MYCBP2: variants seen among roughly 807,000 people sequenced by gnomAD.
The protein encoded by MYCBP2 is E3 ubiquitin-protein ligase MYCBP2.
MYCBP2 carries 120 observed loss-of-function variants against 525.3 expected under a neutral mutation model. The ratio of observed to expected loss-of-function variants is 0.23; its 90% CI spans 0.20 to 0.27. The LOEUF (loss-of-function observed/expected upper bound fraction) is 0.27, where lower values mean the gene tolerates loss of function less well. Ranked by LOEUF, MYCBP2 falls within the 10% of genes least tolerant of loss-of-function variation. The pLI, the probability that MYCBP2 is intolerant of heterozygous loss-of-function variation, is 1.00. For missense variants in MYCBP2, 4,149 were observed against 5,657.1 expected (o/e 0.73, Z 8.55); for synonymous variants, 1,894 against 1,955.8 (o/e 0.97, Z 0.83).
At chr13:77,112,905 TTCTC>T (rs1317429826) in intron 55 of MYCBP2, among the ~76,000 whole-genome samples, 8 of 152,186 alleles carry the variant, frequency 5.3e-5, no homozygotes, top group South Asian at 4.1e-4. Context: ...ATCTTGTATC[TTCTC>T]TCTTAGTATC....
chr13:77,281,011 A>T (rs1288726303), intron 3 of MYCBP2, among the ~76,000 whole-genome samples: 1 of 152,252 alleles, frequency 6.6e-6, no homozygotes, highest in Non-Finnish European at 1.5e-5. Flanking sequence ...ATTATTGCAC[A>T]GAGGTAACAG....
At chr13:77,243,436 A>G (rs2069235722) in intron 16 of MYCBP2, among the ~76,000 whole-genome samples, 4 of 152,064 alleles carry the variant, frequency 2.6e-5, no homozygotes, top group Admixed American at 2.6e-4. Flanking sequence ...AACATGGTGA[A>G]ACCCCGTCTC....
chr13:77,276,961 T>C (rs959779315), intron 4 of MYCBP2, among the ~76,000 whole-genome samples: 7 of 151,106 alleles, frequency 4.6e-5, no homozygotes, highest in African/African-American at 1.5e-4. Flanking sequence ...CAGCCAATAA[T>C]GTGAAAGTTT....
intron 44 of MYCBP2, among the ~76,000 whole-genome samples, chr13:77,161,251 C>T (rs1383637881): frequency 2.0e-5 from 3 of 152,180 alleles, no homozygotes; most frequent in Non-Finnish European, 4.4e-5. Context: ...ACAATGTAGT[C>T]ATCTCTAGGC....
At chr13:77,202,738 A>T (rs2062785264) in intron 26 of MYCBP2, among the ~76,000 whole-genome samples, 1 of 152,222 alleles carries the variant, frequency 6.6e-6, no homozygotes, top group Admixed American at 6.5e-5. Flanking sequence ...GGATGGTTCA[A>T]TATATGCAAA....
chr13:77,169,960 AG>A (rs1000345589), intron 38 of MYCBP2, among the ~76,000 whole-genome samples: 30 of 152,226 alleles, frequency 2.0e-4, no homozygotes, highest in African/African-American at 7.2e-4. Context: ...CATGGCACAT[AG>A]GGTTTAAGTA....
chr13:77,264,961 T>C (rs1368860279), intron 8 of MYCBP2, among the ~76,000 whole-genome samples: 2 of 152,076 alleles, frequency 1.3e-5, no homozygotes, highest in Non-Finnish European at 2.9e-5. Context: ...AAAAATAACA[T>C]TTCATTTCTA....
At chr13:77,278,673 C>A in intron 4 of MYCBP2, 85 bp downstream of exon 4, 3 of 1,192,716 alleles carry the variant, frequency 2.5e-6, no homozygotes, top group Non-Finnish European at 3.2e-6. Flanking sequence ...TAGAAATATT[C>A]TCTTAACAAT....
chr13:77,182,120 A>T (rs2060269512), intron 32 of MYCBP2, among the ~76,000 whole-genome samples, 198 bp from the exon 33 acceptor site: 1 of 152,222 alleles, frequency 6.6e-6, no homozygotes, highest in African/African-American at 2.4e-5. Flanking sequence ...TTCAATGAAG[A>T]TGAAAAATTA....
rs555717261 is a variant in MYCBP2 at position 77,279,578 on chromosome 13, T to C, written c.595-667A>G. Among the ~76,000 whole-genome samples the C allele has an allele frequency of 7.9e-5, 12 of 152,334 alleles. 1 individual carries two copies. In the South Asian group the frequency reaches 2.5e-3, roughly 32 times the overall value. The stretch of plus-strand genomic sequence containing the variant: ...TGAGAACCAGTTCAAGAAGTATTAA[T>C]TAAATTGTTTGGAGAAGTAACAGAA... On this transcript the variant is annotated intron_variant, in intron 3 of 82. Transcript: ENST00000544440.
At position 77,171,560 on chromosome 13, in the gene MYCBP2, G is replaced by A. The variant is rs1008786358; in HGVS notation, c.5726C>T (p.Ala1909Val). The A allele has an allele frequency of 1.2e-5, 19 of 1,614,030 alleles. No homozygotes were observed. The highest frequency in any genetic ancestry group is 1.4e-5 in the Non-Finnish European group (17 of 1,179,918). Reference sequence around the variant, plus strand: ...AACGACAGTGCTTACAACAGACAATGCTCTGCTACAGTTTTTATCTTCTTC... The same window carrying A: ...AACGACAGTGCTTACAACAGACAATACTCTGCTACAGTTTTTATCTTCTTC... ...ANEEDKNCSR[A>V]LSVVSTVVRA... The change falls in exon 38 of 83, where the codon GCA becomes GTA. Residue 1909 changes from alanine to valine, a missense_variant. Physicochemically the swap from Ala to Val is moderately conservative, Grantham distance 64. This residue lies in a region of MYCBP2 where 692 missense variants were observed against 852.7 expected (regional missense o/e 0.81). Transcript: ENST00000544440.
chr13:77,225,425 C>T lies in MYCBP2; in HGVS notation c.2857+10G>A. On this transcript the variant is annotated intron_variant, in intron 19 of 82. Coordinates refer to ENST00000544440, the MANE Select transcript of MYCBP2 (RefSeq NM_015057.5). The stretch of plus-strand genomic sequence containing the variant: ...AAAACGCAGTTATACCCTAAAGTTC[C>T]AGCCGCTACCTGAATGGTGAAATCC... 1 of 1,613,332 alleles carries T rather than the reference C, an allele frequency of 6.2e-7. No homozygotes were observed. The highest frequency in any genetic ancestry group is 2.2e-5 in the East Asian group (1 of 44,878).
intron 4 of MYCBP2, among the ~76,000 whole-genome samples, chr13:77,277,664 A>G (rs941194528): frequency 6.6e-6 from 1 of 152,234 alleles, no homozygotes; most frequent in Non-Finnish European, 1.5e-5. Flanking sequence ...CAGCATCTGT[A>G]TCACCAAGAA....
intron 11 of MYCBP2, 23 bp from the exon 12 acceptor site, chr13:77,261,398 GA>G (rs1342283487): frequency 7.0e-7 from 1 of 1,434,634 alleles, no homozygotes; most frequent in Admixed American, 1.9e-5. Flanking sequence ...AAAAAAAAAG[GA>G]ATTATGGTAC....
chr13:77,070,573 AAC>A (rs60371737), intron 69 of MYCBP2, 56 bp downstream of exon 69: 25,099 of 980,290 alleles, frequency 0.026, no homozygotes, highest in South Asian at 0.039. Context: ...CAAACAAACA[AAC>A]ACACACACAC....
At chr13:77,308,392 C>T (rs893825946) in intron 1 of MYCBP2, among the ~76,000 whole-genome samples, 5 of 152,180 alleles carry the variant, frequency 3.3e-5, no homozygotes, top group African/African-American at 1.2e-4. Context: ...GTTAAGAGTA[C>T]AGAATTTAGA....
At chr13:77,152,837 G>T (rs553800218) in intron 46 of MYCBP2, among the ~76,000 whole-genome samples, 1 of 152,136 alleles carries the variant, frequency 6.6e-6, no homozygotes, top group Admixed American at 6.5e-5. Flanking sequence ...AGTCTGAGGC[G>T]GGCGAATCAC....
Position 77,326,696 on chromosome 13 carries a change from G to C in MYCBP2, c.80C>G (p.Thr27Ser). The C allele has an allele frequency of 2.1e-6, 3 of 1,441,970 alleles. No homozygotes were observed. The highest frequency in any genetic ancestry group is 2.7e-6 in the Non-Finnish European group (3 of 1,106,308). The allele number at this position is 1,441,970 out of a possible 1,614,324, so 89.3% of individuals were successfully genotyped here. The change falls in exon 1 of 83, where the codon ACC (threonine) becomes AGC (serine). Residue 27 changes from threonine (T) to serine (S), a missense_variant. Coordinates refer to ENST00000544440, the MANE Select transcript of MYCBP2 (RefSeq NM_015057.5). The surrounding 1 kb of genome is among the most constrained non-coding windows in gnomAD (Gnocchi z 4.2). Reference protein sequence around the residue: ...LGGDGFYPAATFSSSPAPGAL... With the variant: ...LGGDGFYPAASFSSSPAPGAL... ...CCCCGGCGCCGGGGAGGAAGAGAAG[G>C]TGGCGGCTGGGTAGAATCCGTCCCC...
In MYCBP2 at chr13:77,183,771, C is replaced by T. The variant is rs577444150; in HGVS notation, c.4719+1332G>A. Among the ~76,000 whole-genome samples, 24 of 152,066 alleles carry T rather than the reference C, an allele frequency of 1.6e-4. No individual in the cohort carries two copies. The South Asian group carries it at 5.0e-3, about 32-fold the overall frequency. On this transcript the variant is annotated intron_variant, in intron 32 of 82. Transcript: ENST00000544440. ...TTTGCCATGTTAGGCTGGTCTCGAA[C>T]TCCTGACCTCAAGTGATCCACCCAC...
Sources: allele counts gnomAD v4.1 joint callset (sites outside exome capture counted in the v4.1 genomes callset), GRCh38; gene constraint gnomAD v4.1.1; regional missense constraint gnomAD v4.1.1; non-coding constraint Gnocchi (gnomAD v3.1); transcripts MANE v1.5; gene names NCBI Gene and HGNC (gene_info 2026-07-23, HGNC 2026-07-21).